The following ASH1L variants were observed in gnomAD, a reference collection of about 807,000 sequenced individuals.
ASH1L encodes the protein ASH1 like histone lysine methyltransferase, also known as histone-lysine N-methyltransferase ASH1L.
A neutral mutation model predicts 269.0 loss-of-function variants in ASH1L; 23 were observed. That is an observed-to-expected ratio of 0.09 (90% CI 0.06 to 0.12). The LOEUF (loss-of-function observed/expected upper bound fraction) is 0.12. Among genes scored for constraint, ASH1L ranks in the 10% least tolerant of loss-of-function variants. ASH1L has a pLI of 1.00. For missense variants in ASH1L, 2,912 were observed against 3,567.8 expected (o/e 0.82, Z 4.68); for synonymous variants, 1,187 against 1,253.5 (o/e 0.95, Z 1.12).
chr1:155,431,302 A>G (rs1045868918), intron 5 of ASH1L, among the ~76,000 whole-genome samples: 4 of 151,768 alleles, frequency 2.6e-5, no homozygotes, highest in Admixed American at 1.3e-4. Context: ...ATATATATGT[A>G]TTTTTAGAGG....
chr1:155,352,997 T>A, intron 16 of ASH1L, 139 bp from the exon 17 acceptor site: 1 of 736,462 alleles, frequency 1.4e-6, no homozygotes, highest in Non-Finnish European at 2.1e-6. Flanking sequence ...GTTCTTTCTA[T>A]CTTCTGTAAT....
At chr1:155,339,680 ATTG>A (rs1319357252) in intron 25 of ASH1L, among the ~76,000 whole-genome samples, 1 of 152,094 alleles carries the variant, frequency 6.6e-6, no homozygotes, top group African/African-American at 2.4e-5. Context: ...ACGTGATTTG[ATTG>A]TTATGTAAAC....
chr1:155,430,038 C>T (rs547505217), intron 5 of ASH1L, among the ~76,000 whole-genome samples: 4 of 151,736 alleles, frequency 2.6e-5, no homozygotes, highest in East Asian at 1.9e-4. Context: ...CGCACTGATG[C>T]GATCTCAGCT....
At chr1:155,513,741 AG>A (rs1668324309) in intron 2 of ASH1L, among the ~76,000 whole-genome samples, 1 of 152,186 alleles carries the variant, frequency 6.6e-6, no homozygotes, top group African/African-American at 2.4e-5. Flanking sequence ...GTTCAGCATT[AG>A]TCACAACTGT....
At chr1:155,341,160 C>T (rs1374928974) in intron 25 of ASH1L, among the ~76,000 whole-genome samples, 5 of 148,406 alleles carry the variant, frequency 3.4e-5, no homozygotes, top group Admixed American at 6.7e-5. Flanking sequence ...TTAGTAGAGA[C>T]GGGGTTTCAA....
intron 2 of ASH1L, among the ~76,000 whole-genome samples, chr1:155,511,796 G>A (rs1334164705): frequency 6.6e-6 from 1 of 151,948 alleles, no homozygotes; most frequent in East Asian, 1.9e-4. Flanking sequence ...GAGCCACCAC[G>A]CCCGGCAAGA....
At chr1:155,529,159 G>A (rs1669479410) in intron 1 of ASH1L, among the ~76,000 whole-genome samples, 1 of 152,048 alleles carries the variant, frequency 6.6e-6, no homozygotes, top group Non-Finnish European at 1.5e-5. Flanking sequence ...CTGCAATGAA[G>A]ATACGCATGC....
intron 4 of ASH1L, among the ~76,000 whole-genome samples, chr1:155,452,659 A>G (rs1057049087): frequency 1.3e-5 from 2 of 151,504 alleles, no homozygotes; most frequent in African/African-American, 4.9e-5. Flanking sequence ...GGTTCAAGCA[A>G]TTCTCCTGCC....
At chr1:155,439,174 G>T in intron 4 of ASH1L, 106 bp from the exon 5 acceptor site, 1 of 1,193,936 alleles carries the variant, frequency 8.4e-7, no homozygotes, top group Admixed American at 2.9e-5. Flanking sequence ...TCCATAGCAA[G>T]ATTACACATC....
chr1:155,509,991 G>A (rs1668063998), intron 2 of ASH1L, among the ~76,000 whole-genome samples: 1 of 152,118 alleles, frequency 6.6e-6, no homozygotes, highest in African/African-American at 2.4e-5. Flanking sequence ...AAGGAAGAAG[G>A]TCTTTCTAAT....
Position 155,384,476 on chromosome 1 carries a change from G to A in ASH1L, c.6104-4360C>T, listed in dbSNP as rs199500728. Among the ~76,000 whole-genome samples the A allele has an allele frequency of 1.5e-3, 106 of 71,770 alleles. No individual in the cohort carries two copies. The East Asian group carries it at 0.024, about 16-fold the overall frequency. The allele number at this position is 71,770 out of a possible 152,430, so 47.1% of individuals were successfully genotyped here. ...TTTCTCTGTCATTGCTTTAAAATTG[G>A]TGTGGTTTTTTTTTGTTTTTTTTAT... On this transcript the variant is annotated intron_variant, in intron 7 of 27. Coordinates refer to ENST00000392403, the MANE Select transcript of ASH1L (RefSeq NM_018489.3).
At position 155,348,917 on chromosome 1, in the gene ASH1L, C is replaced by T. The variant is rs866183558; in HGVS notation, c.7554+410G>A. ...AAAAAAAAATATATATATATACACACACACACACACACACACACACACACA... is the reference window on the plus strand; with the variant it reads ...AAAAAAAAATATATATATATACACATACACACACACACACACACACACACA... On this transcript the variant is annotated intron_variant, in intron 19 of 27. Transcript: ENST00000392403. Among the ~76,000 whole-genome samples the T allele has an allele frequency of 9.6e-3, 1,324 of 138,516 alleles. 21 individuals carry two copies. The highest frequency in any genetic ancestry group is 0.028 in the African/African-American group (1,073 of 38,296). 90.9% of individuals were successfully genotyped at this position (138,516 alleles called of 152,430 possible). A position where few individuals can be genotyped will look rare whatever the true frequency, so the allele number is the denominator to read the frequency against.
chr1:155,349,265 C>T, intron 19 of ASH1L, 62 bp downstream of exon 19: 1 of 1,565,766 alleles, frequency 6.4e-7, no homozygotes, highest in Middle Eastern at 2.3e-4. Context: ...AAATCTTAAA[C>T]TTCTAGACTA....
chr1:155,477,021 T>C (rs1665602596), intron 3 of ASH1L, among the ~76,000 whole-genome samples: 1 of 152,228 alleles, frequency 6.6e-6, no homozygotes, highest in South Asian at 2.1e-4. Context: ...GAAATTTTTC[T>C]AGATTATCAC....
rs895835339 is a variant in ASH1L at position 155,357,339 on chromosome 1, C to A, written c.7032G>T (p.Met2344Ile). 1 of 1,613,514 alleles carries A rather than the reference C, an allele frequency of 6.2e-7. No individual in the cohort carries two copies. Among genetic ancestry groups the A allele is most frequent in the African/African-American group, 1.3e-5 (1 of 74,792 alleles). ...ACCTTTCACGATTGGACATTGGCTT[C>A]ATCTGTAATTGGGGGGTCAATCTAG... ...TPTRLTPQLQ[M>I]KPMSNRERNF... Residue 2344 changes from methionine (M) to isoleucine (I), a missense_variant, in exon 15 of 28, where the codon ATG becomes ATT. Met to Ile is a conservative substitution (Grantham distance 10). This residue lies in a region of ASH1L where 309 missense variants were observed against 435.1 expected (regional missense o/e 0.71). Coordinates refer to ENST00000392403, the MANE Select transcript of ASH1L (RefSeq NM_018489.3).
At chr1:155,465,289 C>CAAAAAAAAAAAAAAAAAA (rs1171228344) in intron 3 of ASH1L, among the ~76,000 whole-genome samples, 2 of 62,566 alleles carry the variant, frequency 3.2e-5, no homozygotes, top group Non-Finnish European at 3.1e-5. Context: ...TACAAATTAG[C>CAAAAAAAAAAAAAAAAAA]AAAAAAAAAA....
At position 155,481,735 on chromosome 1, in the gene ASH1L, T is replaced by A. The variant is rs1365092555; in HGVS notation, c.1135A>T (p.Thr379Ser). 6.2e-7 allele frequency: 1 copy of A among 1,614,098 alleles called. No individual in the cohort carries two copies. Among genetic ancestry groups the A allele is most frequent in the Non-Finnish European group, 8.5e-7 (1 of 1,180,038 alleles). ...CAGTCCTTGGCCACTAGGCCAACAG[T>A]AGAACCCAATTTCTTTCCCAAATCT... The part of the protein sequence containing the change: ...NKDLGKKLGS[T>S]VGLVAKDCAK... The change falls in exon 3 of 28, where the codon ACT (threonine) becomes TCT (serine). Residue 379 changes from threonine (T) to serine (S), a missense_variant. Thr to Ser is a moderately conservative substitution (Grantham distance 58). This residue lies in a region of ASH1L where 277 missense variants were observed against 367.7 expected (regional missense o/e 0.75). Transcript: ENST00000392403.
At chr1:155,394,652 T>G (rs1658205433) in intron 7 of ASH1L, among the ~76,000 whole-genome samples, 1 of 152,154 alleles carries the variant, frequency 6.6e-6, no homozygotes, top group South Asian at 2.1e-4. Context: ...CTTGGTACTT[T>G]TTACTTATCT....
chr1:155,354,920 G>C (rs952664508), intron 15 of ASH1L, among the ~76,000 whole-genome samples: 2 of 152,194 alleles, frequency 1.3e-5, no homozygotes, highest in African/African-American at 4.8e-5. Context: ...TCTAAATATA[G>C]TTGTCAAGAT....
Sources: gnomAD v4.1 joint callset for allele counts (sites outside exome capture counted in the v4.1 genomes callset) on GRCh38, gnomAD v4.1.1 for gene constraint, gnomAD v4.1.1 regional missense constraint, MANE v1.5 for transcripts, NCBI Gene and HGNC (gene_info 2026-07-23, HGNC 2026-07-21) for gene names.